PALD1: variants seen among roughly 807,000 people sequenced by gnomAD.
PALD1 encodes paladin.
Under a neutral mutation model 96.0 loss-of-function variants are expected in PALD1, and 57 were observed. The observed-to-expected ratio is 0.59, with a 90% CI of 0.48 to 0.74. PALD1 has a LOEUF of 0.74. PALD1 is among the 30% of genes least tolerant of loss of function. The pLI is 0.00. For missense variants in PALD1, 1,063 were observed against 1,143.7 expected (o/e 0.93, Z 1.02); for synonymous variants, 464 against 473.6 (o/e 0.98, Z 0.26).
chr10:70,473,621 G>A, the PALD1 span, among the ~76,000 whole-genome samples: 2 of 151,434 alleles, frequency 1.3e-5, no homozygotes, highest in East Asian at 2.0e-4. Context: ...GAATATAGAA[G>A]GGGCTCCATA....
Position 70,567,992 on chromosome 10 carries a change from T to C in PALD1, c.*1259T>C, listed in dbSNP as rs1283809878. 6.8e-6 allele frequency: 1 copy of C among 146,618 alleles called. No homozygotes were observed. The highest frequency in any genetic ancestry group is 1.5e-5 in the Non-Finnish European group (1 of 66,178). 9.1% of individuals were successfully genotyped at this position (146,618 alleles called of 1,614,324 possible). A position where few individuals can be genotyped will look rare whatever the true frequency, so the allele number is the denominator to read the frequency against. On this transcript the variant is annotated 3_prime_UTR_variant, in exon 20 of 20. Coordinates refer to ENST00000263563, the MANE Select transcript of PALD1 (RefSeq NM_014431.3). ...GTCTTTGGTTAGGCTCGTGTACTTC[T>C]GCAGGAAAAAAAAAAAAGGATGTGT...
At chr10:70,491,008 C>T (rs954291290) in intron 1 of PALD1, among the ~76,000 whole-genome samples, 2 of 151,886 alleles carry the variant, frequency 1.3e-5, no homozygotes, top group Non-Finnish European at 2.9e-5. Flanking sequence ...AGGCATGGTG[C>T]GATCTGGGCT....
At chr10:70,467,141 TG>T in the PALD1 span, among the ~76,000 whole-genome samples, 7 of 152,092 alleles carry the variant, frequency 4.6e-5, no homozygotes, top group Admixed American at 2.0e-4. Flanking sequence ...GACCAGCTTC[TG>T]GGGGGTATGG....
chr10:70,475,724 C>T (rs1276106313), upstream of PALD1, among the ~76,000 whole-genome samples: 1 of 152,142 alleles, frequency 6.6e-6, no homozygotes, highest in Non-Finnish European at 1.5e-5. Context: ...CTGGGGTTCC[C>T]ACAGCTCATG....
intron 6 of PALD1, 58 bp from the exon 7 acceptor site, chr10:70,532,937 G>A (rs1433538297): frequency 1.3e-6 from 2 of 1,528,996 alleles, no homozygotes; most frequent in Non-Finnish European, 1.8e-6. Flanking sequence ...GGAATAGGGG[G>A]TGAGGGGGAT....
intron 10 of PALD1, among the ~76,000 whole-genome samples, chr10:70,536,909 C>T (rs1372720936): frequency 2.0e-5 from 3 of 152,130 alleles, no homozygotes; most frequent in African/African-American, 7.2e-5. Flanking sequence ...CGGACAACCC[C>T]CCATGCAGAG....
chr10:70,513,336 A>AT (rs974636793), intron 1 of PALD1, among the ~76,000 whole-genome samples: 2,030 of 151,938 alleles, frequency 0.013, 45 homozygotes, highest in African/African-American at 0.046. Context: ...CTCTGCAAAA[A>AT]AAATAAATAA....
the PALD1 span, among the ~76,000 whole-genome samples, chr10:70,471,207 C>T: frequency 2.6e-5 from 4 of 152,216 alleles, no homozygotes; most frequent in African/African-American, 7.2e-5. Context: ...GATCCATTGG[C>T]CTTGGCCTCC....
chr10:70,550,643 C>T (rs922750732), intron 18 of PALD1, among the ~76,000 whole-genome samples: 3 of 152,186 alleles, frequency 2.0e-5, no homozygotes, highest in African/African-American at 7.2e-5. Flanking sequence ...TTCCCCTCCC[C>T]CACCATCTGG....
chr10:70,494,952 T>C (rs1198508447), intron 1 of PALD1, among the ~76,000 whole-genome samples: 1 of 152,254 alleles, frequency 6.6e-6, no homozygotes, highest in Non-Finnish European at 1.5e-5. Context: ...TTTGGCAGTA[T>C]CTCGGAAAGC....
In PALD1 at chr10:70,539,429, T is replaced by C. The variant is rs1847191005; in HGVS notation, c.1726-151T>C. Reference sequence around the variant, plus strand: ...AAAGTGCTCTGCTAACCTGCTTGGCTTTGGGGGGTGGCTGTGACCCCTGAG... The same window carrying C: ...AAAGTGCTCTGCTAACCTGCTTGGCCTTGGGGGGTGGCTGTGACCCCTGAG... On this transcript the variant is annotated intron_variant, in intron 14 of 19. Coordinates refer to ENST00000263563, the MANE Select transcript of PALD1 (RefSeq NM_014431.3). The surrounding 1 kb of genome is among the most constrained non-coding windows in gnomAD (Gnocchi z 4.5). 5 of 1,000,550 alleles carry C rather than the reference T, an allele frequency of 5.0e-6. No individual in the cohort carries two copies. The highest frequency in any genetic ancestry group is 7.1e-6 in the Non-Finnish European group (5 of 700,688). The allele number at this position is 1,000,550 out of a possible 1,614,324, so 62.0% of individuals were successfully genotyped here.
chr10:70,546,447 T>C (rs1275931157), intron 17 of PALD1, among the ~76,000 whole-genome samples: 1 of 152,190 alleles, frequency 6.6e-6, no homozygotes, highest in Non-Finnish European at 1.5e-5. Context: ...TGTAAACCAC[T>C]TCTTGATTGT....
At chr10:70,556,380 A>G (rs897574464) in intron 18 of PALD1, among the ~76,000 whole-genome samples, 1 of 151,326 alleles carries the variant, frequency 6.6e-6, no homozygotes, top group Non-Finnish European at 1.5e-5. Context: ...CAGTGGTGCA[A>G]TCATACCTCA....
chr10:70,553,142 G>A (rs10823563), intron 18 of PALD1, among the ~76,000 whole-genome samples: 60,358 of 151,812 alleles, frequency 0.4, 12,561 homozygotes, highest in East Asian at 0.78. Context: ...TGCATCGCCA[G>A]CTTGCAGAAT....
chr10:70,566,617 G>A lies in PALD1; in HGVS notation c.2455G>A (p.Glu819Lys), dbSNP rs368984027. Residue 819 changes from glutamate to lysine, a missense_variant, in exon 20 of 20, where the codon GAG becomes AAG. Coordinates refer to ENST00000263563, the MANE Select transcript of PALD1 (RefSeq NM_014431.3). Reference protein sequence around the residue: ...SKAGIYEILNELGFPELESGE... With the variant: ...SKAGIYEILNKLGFPELESGE... The stretch of plus-strand genomic sequence containing the variant: ...GGCTGGCATCTACGAGATCCTTAAC[G>A]AGCTGGGCTTCCCCGAGCTGGAGAG... 3.9e-5 allele frequency: 63 copies of A among 1,611,008 alleles called. No individual in the cohort carries two copies. Among genetic ancestry groups the A allele is most frequent in the Middle Eastern group, 1.6e-4 (1 of 6,080 alleles).
intron 18 of PALD1, among the ~76,000 whole-genome samples, chr10:70,556,181 G>A (rs550832235): frequency 1.4e-4 from 21 of 152,162 alleles, no homozygotes; most frequent in Admixed American, 1.4e-3. Flanking sequence ...CTTGAACCCA[G>A]CCTAGAACGG....
At chr10:70,554,835 T>C (rs1324031656) in intron 18 of PALD1, among the ~76,000 whole-genome samples, 2 of 149,982 alleles carry the variant, frequency 1.3e-5, no homozygotes, top group East Asian at 3.9e-4. Flanking sequence ...AAACATCCTC[T>C]GGTCTCAAAG....
intron 1 of PALD1, among the ~76,000 whole-genome samples, chr10:70,481,924 G>A (rs1311412125): frequency 1.3e-5 from 2 of 152,228 alleles, no homozygotes; most frequent in African/African-American, 4.8e-5. Flanking sequence ...TAATGTATTG[G>A]TTTCCTCATC....
chr10:70,540,243 CAGTT>C lies in PALD1; in HGVS notation c.1908+482_1908+485del, dbSNP rs970648865. 6.7e-6 allele frequency among the ~76,000 whole-genome samples: 1 copy of C among 150,040 alleles called. No homozygotes were observed. The highest frequency in any genetic ancestry group is 1.5e-5 in the Non-Finnish European group (1 of 67,436). On this transcript the variant is annotated intron_variant, in intron 15 of 19. Transcript: ENST00000263563. The surrounding 1 kb of genome is among the most constrained non-coding windows in gnomAD (Gnocchi z 4.2). ...CAGGGTGTCCGTGGTGTGTGTGTCT[CAGTT>C]GGGGGACTGTGTATGGAGTGTGTGG... is the stretch of plus-strand genomic sequence containing the variant.
Sources: allele counts gnomAD v4.1 joint callset (sites outside exome capture counted in the v4.1 genomes callset), GRCh38; gene constraint gnomAD v4.1.1; non-coding constraint Gnocchi (gnomAD v3.1); transcripts MANE v1.5; gene names NCBI Gene and HGNC (gene_info 2026-07-23, HGNC 2026-07-21).